The following SAMD12 variants were observed in gnomAD, a reference collection of about 807,000 sequenced individuals.
SAMD12 encodes sterile alpha motif domain containing 12.
In SAMD12, 9 loss-of-function variants were observed where a neutral mutation model predicts 15.0. The ratio of observed to expected loss-of-function variants is 0.60; its 90% CI spans 0.36 to 1.05. The LOEUF is 1.05. Ranked by LOEUF, SAMD12 falls within the 50% of genes least tolerant of loss-of-function variation. The probability of loss-of-function intolerance (pLI) is 0.01; values close to 1 mark genes in which losing one functional copy is unlikely to be tolerated. For synonymous variants in SAMD12, 86 were observed against 90.1 expected (o/e 0.96, Z 0.25); for missense variants, 230 against 234.2 (o/e 0.98, Z 0.12).
At chr8:118,590,855 T>C (rs888670105) in intron 1 of SAMD12, among the ~76,000 whole-genome samples, 1 of 152,094 alleles carries the variant, frequency 6.6e-6, no homozygotes, top group Non-Finnish European at 1.5e-5. Flanking sequence ...GCAGCTATAC[T>C]AAAAATGCTT....
intron 3 of SAMD12, among the ~76,000 whole-genome samples, chr8:118,430,612 G>A (rs1265351404): frequency 6.6e-6 from 1 of 152,048 alleles, no homozygotes; most frequent in African/African-American, 2.4e-5. Context: ...CATCCGCCTT[G>A]GTCTCCTAAA....
intron 4 of SAMD12, among the ~76,000 whole-genome samples, chr8:118,202,346 C>A (rs1439480362): frequency 6.6e-6 from 1 of 152,186 alleles, no homozygotes; most frequent in African/African-American, 2.4e-5. Context: ...AGAGGTCAAG[C>A]CTTTGCAACT....
At chr8:118,139,454 C>T in the SAMD12 span, among the ~76,000 whole-genome samples, 1 of 152,150 alleles carries the variant, frequency 6.6e-6, no homozygotes, top group Non-Finnish European at 1.5e-5. Context: ...AAACTCCTAG[C>T]TTGAAGCCCT....
intron 2 of SAMD12, among the ~76,000 whole-genome samples, chr8:118,464,704 C>A (rs1474076548): frequency 1.3e-5 from 2 of 149,776 alleles, no homozygotes; most frequent in Admixed American, 6.6e-5. Flanking sequence ...AGTGGGCCGT[C>A]CCCTTTAAAA....
At chr8:118,261,835 T>G (rs1348615797) in intron 4 of SAMD12, among the ~76,000 whole-genome samples, 1 of 151,818 alleles carries the variant, frequency 6.6e-6, no homozygotes, top group Non-Finnish European at 1.5e-5. Context: ...CCTGGTGGAG[T>G]CTAGTTGCAG....
chr8:118,149,152 C>T, the SAMD12 span, among the ~76,000 whole-genome samples: 1 of 152,140 alleles, frequency 6.6e-6, no homozygotes, highest in East Asian at 1.9e-4. Flanking sequence ...GGTGCAGGAA[C>T]GTGCCACTGC....
chr8:118,323,041 T>A (rs1206375657), intron 4 of SAMD12, among the ~76,000 whole-genome samples: 2 of 152,124 alleles, frequency 1.3e-5, no homozygotes. Context: ...TGTGTTTACT[T>A]GTTGAAGGCC....
In SAMD12 at chr8:118,231,301, T is replaced by A. The variant is rs28365496; in HGVS notation, c.434-33569A>T. ...AGATGGCAGGTGCTAACTCTGGGAG[T>A]GATGCACTTCCTAGGAAGGGGGAAC... On this transcript the variant is annotated intron_variant, in intron 4 of 4. Coordinates refer to the SAMD12 transcript ENST00000409003. 3.2e-4 allele frequency among the ~76,000 whole-genome samples: 48 copies of A among 152,134 alleles called. No individual in the cohort carries two copies. In the East Asian group the frequency reaches 7.5e-3, roughly 24 times the overall value.
intron 2 of SAMD12, among the ~76,000 whole-genome samples, chr8:118,553,075 A>T (rs568253964): frequency 6.6e-6 from 1 of 152,076 alleles, no homozygotes; most frequent in Non-Finnish European, 1.5e-5. Flanking sequence ...ATGGATAGGA[A>T]GAATCAATAT....
intron 4 of SAMD12, among the ~76,000 whole-genome samples, chr8:118,307,500 C>A (rs571167802): frequency 2.2e-4 from 33 of 152,310 alleles, no homozygotes; most frequent in Non-Finnish European, 4.6e-4. Flanking sequence ...AGAGAGCTGT[C>A]ATCAGCTGGG....
At chr8:118,316,367 T>TAAAAAAAA (rs1331938962) in intron 4 of SAMD12, among the ~76,000 whole-genome samples, 2 of 58,268 alleles carry the variant, frequency 3.4e-5, no homozygotes, top group African/African-American at 3.9e-4. Context: ...ACCCCATGTC[T>TAAAAAAAA]ACAAAAAAAA....
intron 2 of SAMD12, among the ~76,000 whole-genome samples, chr8:118,551,816 C>T (rs866055776): frequency 9.2e-5 from 14 of 152,004 alleles, no homozygotes; most frequent in South Asian, 2.1e-4. Flanking sequence ...AAGAATCAAA[C>T]AGATGCAATA....
At chr8:118,351,531 G>A (rs907200195) in intron 4 of SAMD12, among the ~76,000 whole-genome samples, 1 of 152,156 alleles carries the variant, frequency 6.6e-6, no homozygotes, top group African/African-American at 2.4e-5. Flanking sequence ...GCTGTGGTCT[G>A]TCATGGTTTA....
exon 5 of SAMD12, chr8:118,190,385 C>G (rs1432738118): frequency 2.6e-5 from 4 of 152,126 alleles, no homozygotes; most frequent in Non-Finnish European, 5.9e-5. Context: ...TCTTCTCCAA[C>G]CTGGGATTGG....
rs17484663 is a variant in SAMD12 at position 118,191,009 on chromosome 8, G to T, written c.*6701C>A. 2.7e-3 allele frequency: 405 copies of T among 152,126 alleles called. 5 individuals carry two copies. Among genetic ancestry groups the T allele is most frequent in the African/African-American group, 8.9e-3 (370 of 41,498 alleles). 9.4% of individuals were successfully genotyped at this position (152,126 alleles called of 1,614,324 possible). On this transcript the variant is annotated 3_prime_UTR_variant, in exon 5 of 5. Transcript: ENST00000409003. Reference sequence around the variant, plus strand: ...CAAGATTGATCTTTTCTAAAATTTTGTGCAAAGCTATTTAATTTAGTGCCT... The same window carrying T: ...CAAGATTGATCTTTTCTAAAATTTTTTGCAAAGCTATTTAATTTAGTGCCT...
intron 2 of SAMD12, among the ~76,000 whole-genome samples, chr8:118,559,639 C>G (rs1826650338): frequency 6.6e-6 from 1 of 152,188 alleles, no homozygotes; most frequent in Non-Finnish European, 1.5e-5. Flanking sequence ...GCACTTGGAA[C>G]AGCACCTGGT....
intron 2 of SAMD12, among the ~76,000 whole-genome samples, chr8:118,568,783 TACTA>T (rs1796202890): frequency 6.6e-6 from 1 of 152,194 alleles, no homozygotes; most frequent in African/African-American, 2.4e-5. Flanking sequence ...CCATTAACAC[TACTA>T]CAGTAATAGC....
At chr8:118,498,048 C>G (rs899051082) in intron 2 of SAMD12, among the ~76,000 whole-genome samples, 2 of 152,132 alleles carry the variant, frequency 1.3e-5, no homozygotes, top group Non-Finnish European at 2.9e-5. Flanking sequence ...AACAGAAGAA[C>G]AGGAAGCAGA....
At chr8:118,402,731 T>A (rs925779755) in intron 3 of SAMD12, among the ~76,000 whole-genome samples, 1 of 152,204 alleles carries the variant, frequency 6.6e-6, no homozygotes, top group African/African-American at 2.4e-5. Flanking sequence ...CCCTGTCTGA[T>A]AATGTAAAAG....
Sources: allele counts gnomAD v4.1 joint callset (sites outside exome capture counted in the v4.1 genomes callset), GRCh38; gene constraint gnomAD v4.1.1; transcripts MANE v1.5; gene names NCBI Gene and HGNC (gene_info 2026-07-23, HGNC 2026-07-21).